Variants in TANK observed in about 807,000 individuals in gnomAD.
TANK encodes TRAF family member associated NFKB activator.
Under a neutral mutation model 43.6 loss-of-function variants are expected in TANK, and 15 were observed. The observed-to-expected ratio is 0.34, with a 90% confidence interval of 0.23 to 0.53. The LOEUF is 0.53. Among genes scored for constraint, TANK ranks in the 20% least tolerant of loss-of-function variants. TANK has a pLI of 0.94. For synonymous variants in TANK, 162 were observed against 178.2 expected (o/e 0.91, Z 0.73); for missense variants, 417 against 498.6 (o/e 0.84, Z 1.56).
At position 161,148,498 on chromosome 2, in the gene TANK, C is replaced by A. The variant is rs143269273; in HGVS notation, c.-50+11435C>A. Among the ~76,000 whole-genome samples the A allele has an allele frequency of 1.1e-3, 172 of 152,226 alleles. 2 individuals are homozygous for A. The highest frequency in any genetic ancestry group is 3.9e-3 in the African/African-American group (161 of 41,540). On this transcript the variant is annotated intron_variant, in intron 1 of 7. Transcript: ENST00000259075. ...GACTGTCTTTTCAGTGTCTTGACATCTTTCAATGTTTAAAGTTTTAAAAAA... is the reference window on the plus strand; with the variant it reads ...GACTGTCTTTTCAGTGTCTTGACATATTTCAATGTTTAAAGTTTTAAAAAA...
intron 1 of TANK, among the ~76,000 whole-genome samples, chr2:161,148,860 C>G (rs1385037389): frequency 6.6e-6 from 1 of 152,104 alleles, no homozygotes; most frequent in Non-Finnish European, 1.5e-5. Flanking sequence ...ATATGTGTAT[C>G]TTTATGCTAG....
chr2:161,146,941 G>C (rs189300556), intron 1 of TANK, among the ~76,000 whole-genome samples: 79 of 152,250 alleles, frequency 5.2e-4, no homozygotes, highest in Non-Finnish European at 9.1e-4. Context: ...TAAGTCTGCT[G>C]GTCCATGGAG....
intron 2 of TANK, among the ~76,000 whole-genome samples, chr2:161,202,193 T>C (rs1158207014): frequency 7.1e-6 from 1 of 141,746 alleles, no homozygotes. Context: ...TTTTTTTTTT[T>C]TTTTTTTTTT....
At chr2:161,212,023 T>C (rs996853546) in intron 4 of TANK, 2 of 901,696 alleles carry the variant, frequency 2.2e-6, no homozygotes, top group Non-Finnish European at 2.7e-6. Flanking sequence ...AATTTATTCA[T>C]TAAAAGTTCA....
chr2:161,152,166 G>A (rs1393302533), intron 1 of TANK, among the ~76,000 whole-genome samples: 4 of 152,004 alleles, frequency 2.6e-5, no homozygotes, highest in Non-Finnish European at 5.9e-5. Flanking sequence ...AATCATATAG[G>A]AAATAAAAAG....
At chr2:161,217,183 G>GT (rs1687154813) in intron 4 of TANK, among the ~76,000 whole-genome samples, 1 of 152,152 alleles carries the variant, frequency 6.6e-6, no homozygotes, top group African/African-American at 2.4e-5. Context: ...TTAGCTCAGG[G>GT]TAAGTGTCAC....
chr2:161,137,712 T>A (rs1683627534), intron 1 of TANK, among the ~76,000 whole-genome samples: 1 of 151,750 alleles, frequency 6.6e-6, no homozygotes, highest in African/African-American at 2.4e-5. Flanking sequence ...GGTGGCTCAC[T>A]CCTGTAATCC....
intron 1 of TANK, among the ~76,000 whole-genome samples, chr2:161,148,808 T>C (rs1683991888): frequency 6.6e-6 from 1 of 152,190 alleles, no homozygotes; most frequent in Admixed American, 6.5e-5. Flanking sequence ...GGCACCCTTA[T>C]AAGTGTTTAT....
chr2:161,178,116 G>A (rs777848356), intron 1 of TANK, among the ~76,000 whole-genome samples: 3 of 152,038 alleles, frequency 2.0e-5, no homozygotes, highest in Non-Finnish European at 2.9e-5. Context: ...TCCTCAAAAA[G>A]TTAAAGATAG....
chr2:161,178,877 G>A (rs1685293790), intron 1 of TANK, among the ~76,000 whole-genome samples: 1 of 152,140 alleles, frequency 6.6e-6, no homozygotes, highest in Non-Finnish European at 1.5e-5. Context: ...AGTTGGACAG[G>A]AAGAATCAGA....
intron 4 of TANK, among the ~76,000 whole-genome samples, chr2:161,222,015 C>T (rs1163078246): frequency 6.6e-6 from 1 of 152,036 alleles, no homozygotes; most frequent in Admixed American, 6.6e-5. Flanking sequence ...CCAAACATCA[C>T]AGAAGTAAGT....
intron 1 of TANK, among the ~76,000 whole-genome samples, chr2:161,164,468 G>A (rs1684586380): frequency 6.6e-6 from 1 of 152,072 alleles, no homozygotes; most frequent in Non-Finnish European, 1.5e-5. Flanking sequence ...ATTTAGATAT[G>A]TAACAAAAAT....
Position 161,235,444 on chromosome 2 carries a change from G to A in TANK, c.1204G>A (p.Val402Ile), listed in dbSNP as rs758152928. 14 of 1,613,804 alleles carry A rather than the reference G, an allele frequency of 8.7e-6. No homozygotes were observed. Among genetic ancestry groups the A allele is most frequent in the Non-Finnish European group, 1.1e-5 (13 of 1,179,880 alleles). Residue 402 changes from valine (V) to isoleucine (I), a missense_variant, in exon 8 of 8, where the codon GTT (valine) becomes ATT (isoleucine). Physicochemically the swap from Val to Ile is conservative, Grantham distance 29. Transcript: ENST00000392749. ...TCGAGTATGTGAATTCTGTCAAGCA[G>A]TTTTCCCACCATCCATTACATCCAG... Reference protein sequence around the residue: ...IPRVCEFCQAVFPPSITSRGD... With the variant: ...IPRVCEFCQAIFPPSITSRGD...
intron 1 of TANK, chr2:161,161,464 T>G: frequency 6.5e-7 from 1 of 1,547,094 alleles, no homozygotes; most frequent in South Asian, 1.2e-5. Flanking sequence ...TGTCCTCATT[T>G]GAGAGAGGAG....
chr2:161,196,234 C>T (rs772011684), intron 2 of TANK, among the ~76,000 whole-genome samples: 13 of 152,112 alleles, frequency 8.5e-5, no homozygotes, highest in Non-Finnish European at 1.5e-4. Flanking sequence ...AGACTTTTGG[C>T]GGGGTAGAGA....
At chr2:161,160,710 G>T in intron 1 of TANK, 2 of 499,916 alleles carry the variant, frequency 4.0e-6, no homozygotes, top group Non-Finnish European at 3.9e-6. Context: ...TTGGTTTCCG[G>T]GCCCGCGATG....
Position 161,160,677 on chromosome 2 carries a change from C to T in TANK, c.-50+191C>T, listed in dbSNP as rs546474162. ...GCGGGAGAAACCACGCGAGTCCTTCCCCCGGAGCGGACTCCTTGTGGGTTG... is the reference window on the plus strand; with the variant it reads ...GCGGGAGAAACCACGCGAGTCCTTCTCCCGGAGCGGACTCCTTGTGGGTTG... On this transcript the variant is annotated intron_variant, in intron 1 of 7. Transcript: ENST00000392749. 5.9e-5 allele frequency: 27 copies of T among 454,684 alleles called. 1 individual carries two copies. In the East Asian group the frequency reaches 8.8e-4, roughly 15 times the overall value. The allele number at this position is 454,684 out of a possible 1,614,324, so 28.2% of individuals were successfully genotyped here.
intron 6 of TANK, among the ~76,000 whole-genome samples, chr2:161,230,575 A>T (rs1472891333): frequency 6.6e-6 from 1 of 152,234 alleles, no homozygotes; most frequent in Non-Finnish European, 1.5e-5. Flanking sequence ...AATTTTAGAT[A>T]TACCTAGTAA....
At chr2:161,191,750 A>G (rs1184780779) in intron 2 of TANK, among the ~76,000 whole-genome samples, 5 of 152,152 alleles carry the variant, frequency 3.3e-5, no homozygotes, top group African/African-American at 1.2e-4. Context: ...ACCTCATATC[A>G]TGAATACCTG....
Sources: allele counts gnomAD v4.1 joint callset (sites outside exome capture counted in the v4.1 genomes callset), GRCh38; gene constraint gnomAD v4.1.1; transcripts MANE v1.5; gene names NCBI Gene and HGNC (gene_info 2026-07-23, HGNC 2026-07-21).